The following GPRC5D variants were observed in gnomAD, a reference collection of about 807,000 sequenced individuals.
The protein encoded by GPRC5D is G protein-coupled receptor class C group 5 member D, also known as G protein-coupled receptor family C group 5 member D.
Under a neutral mutation model 29.3 loss-of-function variants are expected in GPRC5D, and 20 were observed. That is an observed-to-expected ratio of 0.68 (90% CI 0.48 to 0.99). The LOEUF is 0.99. Among genes scored for constraint, GPRC5D ranks in the 50% least tolerant of loss-of-function variants. The pLI, the probability that GPRC5D is intolerant of heterozygous loss-of-function variation, is 0.00. For synonymous variants in GPRC5D, 178 were observed against 171.3 expected (o/e 1.04, Z -0.30); for missense variants, 384 against 423.6 (o/e 0.91, Z 0.82).
rs1565477126 is a variant in GPRC5D at position 12,944,824 on chromosome 12, TCCTTCC to T, written c.896-2502_896-2497del. Among the ~76,000 whole-genome samples the T allele has an allele frequency of 2.7e-3, 49 of 18,284 alleles. 6 individuals carry two copies. Among genetic ancestry groups the T allele is most frequent in the South Asian group, 0.01 (3 of 298 alleles). The allele number at this position is 18,284 out of a possible 152,430, so 12.0% of individuals were successfully genotyped here. Reference sequence around the variant, plus strand: ...TCCCTTCCTTCCTTCCTTCCTTCCTTCCTTCCTTCCTTCCTTCCTTCCTTCCTTCTT... The same window carrying T: ...TCCCTTCCTTCCTTCCTTCCTTCCTTTTCCTTCCTTCCTTCCTTCCTTCTT... On this transcript the variant is annotated intron_variant, in intron 1 of 2. Coordinates refer to ENST00000228887, the Ensembl canonical transcript of GPRC5D.
chr12:12,944,851 T>TTCCTTTCCTTCTTTCTTTCTTTC (rs1474845197), intron 1 of GPRC5D, among the ~76,000 whole-genome samples: 2 of 58,156 alleles, frequency 3.4e-5, no homozygotes, highest in Non-Finnish European at 6.4e-5. Flanking sequence ...CCTTCCTTCC[T>TTCCTTTCCTTCTTTCTTTCTTTC]TCTTTCTTTC....
At chr12:12,944,096 A>G (rs1328248979) in intron 1 of GPRC5D, among the ~76,000 whole-genome samples, 2 of 152,102 alleles carry the variant, frequency 1.3e-5, no homozygotes, top group Non-Finnish European at 2.9e-5. Context: ...TTTGCTGCCC[A>G]ATTATGCTCT....
intron 1 of GPRC5D, among the ~76,000 whole-genome samples, chr12:12,946,478 G>A (rs887521898): frequency 1.9e-4 from 27 of 142,112 alleles, no homozygotes; most frequent in African/African-American, 4.8e-4. Flanking sequence ...TTCTTTCGAC[G>A]CAGCCTTGCT....
At chr12:12,946,850 T>C (rs967988861) in intron 1 of GPRC5D, among the ~76,000 whole-genome samples, 3 of 152,194 alleles carry the variant, frequency 2.0e-5, no homozygotes, top group Non-Finnish European at 4.4e-5. Flanking sequence ...TAAATAATTA[T>C]GTGACTGGAA....
At chr12:12,951,178 G>A (rs532406494), upstream of GPRC5D, among the ~76,000 whole-genome samples, 4 of 152,202 alleles carry the variant, frequency 2.6e-5, no homozygotes, top group African/African-American at 4.8e-5. Context: ...AACTGCTTTC[G>A]CACCAACCTA....
chr12:12,948,755 T>G (rs1263044305), intron 1 of GPRC5D, among the ~76,000 whole-genome samples: 2 of 152,212 alleles, frequency 1.3e-5, no homozygotes. Flanking sequence ...GATAATGTAT[T>G]TTATTCCTTA....
exon 1 of GPRC5D, chr12:12,950,379 G>A: frequency 6.3e-7 from 1 of 1,597,560 alleles, no homozygotes. Flanking sequence ...TGCAGTCCTT[G>A]TACATGGTGA....
chr12:12,941,731 T>C (rs1363930085), intron 2 of GPRC5D, among the ~76,000 whole-genome samples: 1 of 152,194 alleles, frequency 6.6e-6, no homozygotes, highest in Non-Finnish European at 1.5e-5. Flanking sequence ...TCCCTCTGTT[T>C]TTGCCTGAAA....
chr12:12,944,157 GC>G (rs1477617008), intron 1 of GPRC5D, among the ~76,000 whole-genome samples: 4 of 152,076 alleles, frequency 2.6e-5, no homozygotes, highest in Non-Finnish European at 5.9e-5. Context: ...TTTAGAGTGT[GC>G]AGTGGCGCAA....
intron 1 of GPRC5D, among the ~76,000 whole-genome samples, chr12:12,946,750 C>T (rs141258894): frequency 4.6e-5 from 7 of 152,180 alleles, no homozygotes; most frequent in Non-Finnish European, 7.4e-5. Context: ...CCACTGCGCC[C>T]GGCCATACTT....
chr12:12,945,166 G>A (rs1863282853), intron 1 of GPRC5D, among the ~76,000 whole-genome samples: 1 of 151,604 alleles, frequency 6.6e-6, no homozygotes, highest in African/African-American at 2.4e-5. Flanking sequence ...ACCACGCCCA[G>A]CAAATTTTTT....
In GPRC5D at chr12:12,944,839, TTCC is replaced by T. The variant is rs1565477324; in HGVS notation, c.896-2514_896-2512del. ...CTTCCTTCCTTCCTTCCTTCCTTCCTTCCTTCCTTCCTTCTTTCTTTCTTTCTT... is the reference window on the plus strand; with the variant it reads ...CTTCCTTCCTTCCTTCCTTCCTTCCTTTCCTTCCTTCTTTCTTTCTTTCTT... On this transcript the variant is annotated intron_variant, in intron 1 of 2. Transcript: ENST00000228887. 1.9e-3 allele frequency among the ~76,000 whole-genome samples: 39 copies of T among 20,524 alleles called. 2 individuals carry two copies. Among genetic ancestry groups the T allele is most frequent in the Admixed American group, 4.3e-3 (5 of 1,156 alleles). The allele number at this position is 20,524 out of a possible 152,430, so 13.5% of individuals were successfully genotyped here.
At chr12:12,950,967 G>A (rs1244575541), upstream of GPRC5D, among the ~76,000 whole-genome samples, 1 of 151,728 alleles carries the variant, frequency 6.6e-6, no homozygotes, top group East Asian at 1.9e-4. Context: ...AAAATTAGCC[G>A]GGCATGATGG....
At chr12:12,942,638 G>T (rs73068716) in intron 1 of GPRC5D, among the ~76,000 whole-genome samples, 50,583 of 152,056 alleles carry the variant, frequency 0.33, 8,484 homozygotes, top group East Asian at 0.47. Context: ...GGGAGGTGGA[G>T]GCAGGAGAAT....
chr12:12,944,836 TC>T (rs1217445783), intron 1 of GPRC5D, among the ~76,000 whole-genome samples: 14 of 35,620 alleles, frequency 3.9e-4, no homozygotes, highest in African/African-American at 6.4e-4. Flanking sequence ...CTTCCTTCCT[TC>T]CTTCCTTCCT....
intron 1 of GPRC5D, among the ~76,000 whole-genome samples, chr12:12,944,800 CCCTTCCTTCCTT>C (rs1160178381): frequency 1.8e-4 from 2 of 11,410 alleles, no homozygotes; most frequent in South Asian, 5.4e-3. Context: ...TTCCTTCCTT[CCCTTCCTTCCTT>C]CCTTCCTTCC....
chr12:12,944,999 CTCTT>C (rs1863274442), intron 1 of GPRC5D, among the ~76,000 whole-genome samples: 1 of 146,214 alleles, frequency 6.8e-6, no homozygotes, highest in Non-Finnish European at 1.5e-5. Context: ...CTTTCTCTCT[CTCTT>C]TCTCTTTCTC....
intron 2 of GPRC5D, among the ~76,000 whole-genome samples, chr12:12,941,302 GCTA>G (rs1287248166): frequency 6.6e-6 from 1 of 152,138 alleles, no homozygotes; most frequent in Non-Finnish European, 1.5e-5. Flanking sequence ...CCTATACCAG[GCTA>G]CCCCTTAGCC....
At chr12:12,944,836 T>TC (rs1217445783) in intron 1 of GPRC5D, among the ~76,000 whole-genome samples, 1 of 35,572 alleles carries the variant, frequency 2.8e-5, no homozygotes, top group Non-Finnish European at 7.9e-5. Context: ...CTTCCTTCCT[T>TC]CCTTCCTTCC....
Sources: allele counts gnomAD v4.1 joint callset (sites outside exome capture counted in the v4.1 genomes callset), GRCh38; gene constraint gnomAD v4.1.1; transcripts MANE v1.5; gene names NCBI Gene and HGNC (gene_info 2026-07-23, HGNC 2026-07-21).